The following TANC2 variants were observed in gnomAD, a reference collection of about 807,000 sequenced individuals.
TANC2 encodes protein TANC2.
Under a neutral mutation model 210.5 loss-of-function variants are expected in TANC2, and 26 were observed. The observed-to-expected ratio is 0.12, with a 90% CI of 0.09 to 0.17. TANC2 has a LOEUF of 0.17. Among genes scored for constraint, TANC2 ranks in the 10% least tolerant of loss-of-function variants. The pLI, the probability that TANC2 is intolerant of heterozygous loss-of-function variation, is 1.00. For synonymous variants in TANC2, 931 were observed against 967.1 expected, an observed-to-expected ratio of 0.96 and a Z score of 0.69; for missense variants, 2,129 against 2,608.9, an observed-to-expected ratio of 0.82 and a Z score of 4.01.
intron 10 of TANC2, among the ~76,000 whole-genome samples, chr17:63,315,890 A>G (rs562437451): frequency 6.6e-6 from 1 of 152,204 alleles, no homozygotes; most frequent in African/African-American, 2.4e-5. Context: ...TTACCAGGGT[A>G]TGGTAAGAAT....
chr17:63,156,338 A>G (rs1379430115), intron 5 of TANC2, among the ~76,000 whole-genome samples: 3 of 152,108 alleles, frequency 2.0e-5, no homozygotes, highest in Non-Finnish European at 4.4e-5. Flanking sequence ...ACTTTTTCCA[A>G]TCACAGGTTC....
chr17:63,010,805 A>G (rs1432594039), intron 2 of TANC2, among the ~76,000 whole-genome samples: 2 of 152,262 alleles, frequency 1.3e-5, no homozygotes, highest in East Asian at 3.9e-4. Flanking sequence ...GAACAGTGAG[A>G]TGGAAGATGT....
intron 11 of TANC2, among the ~76,000 whole-genome samples, chr17:63,332,970 G>GA (rs1296843738): frequency 2.0e-5 from 3 of 152,216 alleles, no homozygotes; most frequent in Non-Finnish European, 4.4e-5. Context: ...GATCTACACA[G>GA]AAAAAAAGAT....
At chr17:63,277,511 T>G (rs1163928005) in intron 9 of TANC2, among the ~76,000 whole-genome samples, 1 of 88,910 alleles carries the variant, frequency 1.1e-5, no homozygotes, top group African/African-American at 1.0e-4. Context: ...TCATGTCATT[T>G]CTCTGTCTTA....
chr17:63,097,819 C>A (rs970989094), intron 3 of TANC2, among the ~76,000 whole-genome samples: 2 of 151,942 alleles, frequency 1.3e-5, no homozygotes, highest in Non-Finnish European at 2.9e-5. Context: ...TGATTTTTTC[C>A]TTTAATGCTT....
chr17:63,177,335 C>A, intron 5 of TANC2, among the ~76,000 whole-genome samples: 1 of 148,350 alleles, frequency 6.7e-6, no homozygotes, highest in African/African-American at 2.5e-5. Context: ...TTATTATTTG[C>A]CAATTATAGT....
At chr17:63,219,424 A>G (rs1015357562) in intron 7 of TANC2, among the ~76,000 whole-genome samples, 5 of 152,196 alleles carry the variant, frequency 3.3e-5, no homozygotes, top group African/African-American at 4.8e-5. Flanking sequence ...AACATTTACT[A>G]TATAGCTCCC....
chr17:63,078,723 T>C (rs1335253910), intron 3 of TANC2, among the ~76,000 whole-genome samples: 1 of 152,186 alleles, frequency 6.6e-6, no homozygotes, highest in African/African-American at 2.4e-5. Context: ...TATTGATTCT[T>C]ACTTAAATTT....
intron 7 of TANC2, among the ~76,000 whole-genome samples, chr17:63,209,979 T>C (rs1339016384): frequency 1.3e-5 from 2 of 152,258 alleles, no homozygotes; most frequent in Non-Finnish European, 2.9e-5. Flanking sequence ...TTTGCATTCC[T>C]AGAACCACGT....
chr17:63,177,279 A>C (rs999781479), intron 5 of TANC2, among the ~76,000 whole-genome samples: 8 of 151,650 alleles, frequency 5.3e-5, no homozygotes, highest in East Asian at 3.9e-4. Flanking sequence ...AAAAAAAAAA[A>C]AAAACACAAA....
chr17:63,395,635 G>A, intron 17 of TANC2, 108 bp from the exon 18 acceptor site: 1 of 1,021,802 alleles, frequency 9.8e-7, no homozygotes, highest in Non-Finnish European at 1.4e-6. Context: ...TCCAGGAGTG[G>A]AAAGGATGAT....
intron 2 of TANC2, among the ~76,000 whole-genome samples, chr17:63,055,716 G>A (rs1362696451): frequency 6.7e-6 from 1 of 149,180 alleles, no homozygotes; most frequent in Non-Finnish European, 1.5e-5. Context: ...CAAATATTAT[G>A]TGAAGGAGGC....
chr17:63,037,327 A>T (rs2035012520), intron 2 of TANC2, among the ~76,000 whole-genome samples: 2 of 152,114 alleles, frequency 1.3e-5, no homozygotes, highest in African/African-American at 2.4e-5. Context: ...AGATTTTATC[A>T]CACTACTCAG....
chr17:63,398,772 A>T (rs1314483674), intron 18 of TANC2, 49 bp from the exon 19 acceptor site: 2 of 1,313,972 alleles, frequency 1.5e-6, no homozygotes, highest in Non-Finnish European at 2.1e-6. Flanking sequence ...TAGTGTCAGT[A>T]GCATAGTTTT....
intron 8 of TANC2, among the ~76,000 whole-genome samples, chr17:63,263,380 T>G (rs1244025362): frequency 6.6e-6 from 1 of 152,184 alleles, no homozygotes; most frequent in Non-Finnish European, 1.5e-5. Flanking sequence ...CTGGCAATCT[T>G]TATGATAACT....
intron 7 of TANC2, among the ~76,000 whole-genome samples, chr17:63,218,911 TAGTA>T (rs1381833927): frequency 6.6e-6 from 1 of 151,336 alleles, no homozygotes; most frequent in Admixed American, 6.6e-5. Context: ...GAAAAAAAAA[TAGTA>T]AGTTTAGCAA....
intron 1 of TANC2, among the ~76,000 whole-genome samples, chr17:62,969,950 C>A (rs1019437302): frequency 6.6e-6 from 1 of 152,168 alleles, no homozygotes; most frequent in Non-Finnish European, 1.5e-5. Flanking sequence ...TTTTCTCACA[C>A]TTAAACATTG....
chr17:63,331,726 G>A lies in TANC2; in HGVS notation c.1576-8375G>A, dbSNP rs188477521. 5.9e-5 allele frequency among the ~76,000 whole-genome samples: 9 copies of A among 152,176 alleles called. No individual in the cohort carries two copies. The East Asian group carries it at 1.2e-3, about 20-fold the overall frequency. ...TTTTTGTCTAAATTCTATTTCATAC[G>A]TAGACAATCTCTCCTATTTATTTGA... On this transcript the variant is annotated intron_variant, in intron 11 of 27. Transcript: ENST00000689528.
chr17:63,040,580 C>T (rs1174881583), intron 2 of TANC2, among the ~76,000 whole-genome samples: 3 of 152,054 alleles, frequency 2.0e-5, no homozygotes, highest in African/African-American at 7.2e-5. Context: ...GATTTGTAAC[C>T]ATCATCTATG....
Sources: gnomAD v4.1 joint callset for allele counts (sites outside exome capture counted in the v4.1 genomes callset) on GRCh38, gnomAD v4.1.1 for gene constraint, MANE v1.5 for transcripts, NCBI Gene and HGNC (gene_info 2026-07-23, HGNC 2026-07-21) for gene names.